Variants in GRK3 observed in about 807,000 individuals in gnomAD.
The protein encoded by GRK3 is adrenergic, beta, receptor kinase 2.
GRK3 carries 54 observed loss-of-function variants against 95.7 expected under a neutral mutation model. The observed-to-expected ratio is 0.56, with a 90% confidence interval of 0.45 to 0.71. The LOEUF (loss-of-function observed/expected upper bound fraction) is 0.71, where lower values mean the gene tolerates loss of function less well. Ranked by LOEUF, GRK3 falls within the 30% of genes least tolerant of loss-of-function variation. The pLI, the probability that GRK3 is intolerant of heterozygous loss-of-function variation, is 0.00. For synonymous variants in GRK3, 281 were observed against 290.8 expected (o/e 0.97, Z 0.34); for missense variants, 649 against 851.2 (o/e 0.76, Z 2.96).
chr22:25,692,237 G>A (rs2085170865), intron 12 of GRK3, among the ~76,000 whole-genome samples: 1 of 152,060 alleles, frequency 6.6e-6, no homozygotes, highest in African/African-American at 2.4e-5. Flanking sequence ...CAAAGTGCTG[G>A]GATTACAGGT....
At chr22:25,669,402 C>T (rs567720311) in intron 6 of GRK3, among the ~76,000 whole-genome samples, 1 of 152,300 alleles carries the variant, frequency 6.6e-6, no homozygotes, top group South Asian at 2.1e-4. Context: ...CTCATTCAGG[C>T]AGTGAACTTC....
intron 19 of GRK3, among the ~76,000 whole-genome samples, chr22:25,721,033 T>C (rs967758769): frequency 5.3e-5 from 8 of 152,220 alleles, no homozygotes; most frequent in African/African-American, 1.9e-4. Context: ...CAGTTCTGTG[T>C]TGAGGGAACA....
chr22:25,680,958 T>C (rs2146425358), intron 9 of GRK3, among the ~76,000 whole-genome samples: 1 of 152,158 alleles, frequency 6.6e-6, no homozygotes, highest in South Asian at 2.1e-4. Context: ...GGTTTTTTTT[T>C]TTTTTTAATC....
rs1468521711 is a variant in GRK3, at chr22:25,678,864, A to G, written c.696A>G (p.Gly232=). The G allele has an allele frequency of 6.2e-7, 1 of 1,609,676 alleles. No individual in the cohort carries two copies. Reference sequence around the variant, plus strand: ...AGAAGAGGATCAAAATGAAACAAGGAGAAACATTAGCCTTAAATGAAAGAA... The same window carrying G: ...AGAAGAGGATCAAAATGAAACAAGGGGAAACATTAGCCTTAAATGAAAGAA... ...LDKKRIKMKQ[G]ETLALNERIM... The change falls in exon 9 of 21, where the codon GGA becomes GGG. Residue 232 remains glycine, a synonymous_variant. Coordinates refer to ENST00000324198, the MANE Select transcript of GRK3 (RefSeq NM_005160.4).
chr22:25,618,030 C>G (rs1182520046), intron 2 of GRK3, among the ~76,000 whole-genome samples: 1 of 152,242 alleles, frequency 6.6e-6, no homozygotes, highest in African/African-American at 2.4e-5. Context: ...GCCTTGGCCT[C>G]CCAAAGTGCT....
intron 9 of GRK3, among the ~76,000 whole-genome samples, chr22:25,680,320 A>G (rs1038435265): frequency 6.6e-6 from 1 of 152,234 alleles, no homozygotes; most frequent in Admixed American, 6.5e-5. Flanking sequence ...AGCATCCTGC[A>G]TACTCTGTTG....
chr22:25,648,879 T>A (rs1003691465), intron 3 of GRK3: 23 of 915,748 alleles, frequency 2.5e-5, no homozygotes, highest in Middle Eastern at 4.6e-4. Context: ...AGACAATGAA[T>A]ACACATCAAG....
rs1479082682 is a variant in GRK3, at chr22:25,714,332, A to ATGGATG, written c.1492-72_1492-67dup. 2.3e-6 allele frequency: 3 copies of ATGGATG among 1,287,970 alleles called. No individual in the cohort carries two copies. In the South Asian group the frequency reaches 4.3e-5, roughly 19 times the overall value. 79.8% of individuals were successfully genotyped at this position (1,287,970 alleles called of 1,614,324 possible). ...TATATAGAGTTATGATAGAGTCACC[A>ATGGATG]TGGATGTGGCGCCGCGGACTCTTAC... On this transcript the variant is annotated intron_variant, in intron 17 of 20. Coordinates refer to ENST00000324198, the MANE Select transcript of GRK3 (RefSeq NM_005160.4).
intron 17 of GRK3, among the ~76,000 whole-genome samples, chr22:25,713,332 G>A (rs570658576): frequency 6.6e-6 from 1 of 152,286 alleles, no homozygotes; most frequent in East Asian, 1.9e-4. Flanking sequence ...TAGATAGAAT[G>A]TCTGAAGAAA....
chr22:25,693,737 A>G (rs1160524560), intron 12 of GRK3, among the ~76,000 whole-genome samples: 1 of 145,240 alleles, frequency 6.9e-6, no homozygotes, highest in African/African-American at 2.5e-5. Flanking sequence ...TTCTGAGTAG[A>G]TTCTCACTGT....
intron 2 of GRK3, among the ~76,000 whole-genome samples, chr22:25,627,204 T>C (rs1413862001): frequency 2.6e-5 from 4 of 152,212 alleles, no homozygotes; most frequent in Non-Finnish European, 5.9e-5. Flanking sequence ...CGAGTTTTTA[T>C]TTTTTATGAA....
rs117068530 is a variant in GRK3 at position 25,682,011 on chromosome 22, G to A, written c.747+3096G>A. ...CATTATAGTGTCTGTTCAGCACCCC[G>A]AGAGGTGAGGGTTGCAGTAACTGAT... On this transcript the variant is annotated intron_variant, in intron 9 of 20. Coordinates refer to ENST00000324198, the MANE Select transcript of GRK3 (RefSeq NM_005160.4). Among the ~76,000 whole-genome samples, 147 of 152,252 alleles carry A rather than the reference G, an allele frequency of 9.7e-4. 2 individuals carry two copies. In the East Asian group the frequency reaches 0.024, roughly 25 times the overall value.
intron 1 of GRK3, among the ~76,000 whole-genome samples, chr22:25,575,186 A>T (rs983051372): frequency 6.6e-6 from 1 of 152,212 alleles, no homozygotes; most frequent in African/African-American, 2.4e-5. Context: ...GACCTGCTTG[A>T]TGCTGGATTG....
At chr22:25,682,610 A>G (rs771427703) in intron 9 of GRK3, among the ~76,000 whole-genome samples, 1 of 152,248 alleles carries the variant, frequency 6.6e-6, no homozygotes, top group Non-Finnish European at 1.5e-5. Flanking sequence ...AACAAGATAT[A>G]GACAATCTAG....
At chr22:25,624,584 A>G (rs1601483209) in intron 2 of GRK3, among the ~76,000 whole-genome samples, 1 of 151,512 alleles carries the variant, frequency 6.6e-6, no homozygotes, top group Non-Finnish European at 1.5e-5. Context: ...AACAAAAACA[A>G]AAAACCCTGA....
chr22:25,705,613 C>T (rs2085293882), intron 15 of GRK3, among the ~76,000 whole-genome samples: 1 of 152,070 alleles, frequency 6.6e-6, no homozygotes, highest in African/African-American at 2.4e-5. Context: ...AGTATGATCT[C>T]TCTCTCTCTC....
intron 1 of GRK3, among the ~76,000 whole-genome samples, chr22:25,601,020 A>G (rs2146337508): frequency 6.6e-6 from 1 of 152,314 alleles, no homozygotes; most frequent in East Asian, 1.9e-4. Flanking sequence ...AAAACATAAA[A>G]CAAAAACAGA....
chr22:25,706,742 C>T (rs552359555), intron 15 of GRK3, among the ~76,000 whole-genome samples: 12 of 152,192 alleles, frequency 7.9e-5, no homozygotes, highest in African/African-American at 2.9e-4. Context: ...AGGCTGGTCT[C>T]GAACTCCTGA....
At chr22:25,620,217 G>C (rs912988734) in intron 2 of GRK3, among the ~76,000 whole-genome samples, 1 of 152,142 alleles carries the variant, frequency 6.6e-6, no homozygotes, top group Non-Finnish European at 1.5e-5. Context: ...GGAGAAGGCA[G>C]TGTCTGTTTT....
Sources: gnomAD v4.1 joint callset for allele counts (sites outside exome capture counted in the v4.1 genomes callset) on GRCh38, gnomAD v4.1.1 for gene constraint, MANE v1.5 for transcripts, NCBI Gene and HGNC (gene_info 2026-07-23, HGNC 2026-07-21) for gene names.